KLF8: variants seen among roughly 807,000 people sequenced by gnomAD.
The protein encoded by KLF8 is Krueppel-like factor 8.
KLF8 carries 10 observed loss-of-function variants against 18.2 expected under a neutral mutation model. The observed-to-expected ratio is 0.55, with a 90% confidence interval of 0.34 to 0.93. The LOEUF (loss-of-function observed/expected upper bound fraction) is 0.93. Among genes scored for constraint, KLF8 ranks in the 40% least tolerant of loss-of-function variants. The probability of loss-of-function intolerance (pLI) is 0.02; values close to 1 mark genes in which losing one functional copy is unlikely to be tolerated. For synonymous variants in KLF8, 109 were observed against 97.3 expected, an observed-to-expected ratio of 1.12 and a Z score of -0.71; for missense variants, 264 against 277.9, an observed-to-expected ratio of 0.95 and a Z score of 0.36.
At chrX:56,029,119 G>C in the KLF8 span, among the ~76,000 whole-genome samples, 1 of 111,054 alleles carries the variant, frequency 9.0e-6, no homozygotes, top group African/African-American at 3.3e-5. Context: ...GAGTACAGGG[G>C]CTTGATTGAT....
chrX:55,986,164 CA>C, the KLF8 span, among the ~76,000 whole-genome samples: 1 of 111,211 alleles, frequency 9.0e-6, no homozygotes, highest in Middle Eastern at 4.2e-3. Flanking sequence ...CCAAAACTTC[CA>C]ATACTATGTT....
At chrX:56,197,314 T>C in the KLF8 span, among the ~76,000 whole-genome samples, 5 of 110,953 alleles carry the variant, frequency 4.5e-5, no homozygotes, top group African/African-American at 1.6e-4. Context: ...GCTGGTTTTT[T>C]GAAAAGATCA....
the KLF8 span, among the ~76,000 whole-genome samples, chrX:55,976,866 C>A: frequency 9.0e-6 from 1 of 111,463 alleles, no homozygotes; most frequent in African/African-American, 3.3e-5. Context: ...TAAGTTTATT[C>A]CTAAAGAATT....
chrX:56,159,394 G>A, the KLF8 span, among the ~76,000 whole-genome samples: 1 of 112,347 alleles, frequency 8.9e-6, no homozygotes, highest in South Asian at 3.7e-4. Context: ...GGATGATGCT[G>A]GCCTCATAAA....
chrX:56,045,553 G>T, the KLF8 span, among the ~76,000 whole-genome samples: 1 of 111,700 alleles, frequency 9.0e-6, no homozygotes, highest in Non-Finnish European at 1.9e-5. Context: ...TTTCATTTGT[G>T]TTATCTATGA....
At chrX:55,945,636 C>T in the KLF8 span, among the ~76,000 whole-genome samples, 1 of 111,021 alleles carries the variant, frequency 9.0e-6, no homozygotes, top group East Asian at 2.8e-4. Flanking sequence ...AAGTTCTGGC[C>T]AGGACAATTA....
At position 56,265,710 on chromosome X, in the gene KLF8, A is replaced by G. The variant is rs1470612885; in HGVS notation, c.612A>G (p.Pro204=). 10 of 1,203,363 alleles carry G rather than the reference A, an allele frequency of 8.3e-6. No individual in the cohort carries two copies. In the East Asian group the frequency reaches 2.7e-4, roughly 32 times the overall value. The change falls in exon 3 of 6, where the codon CCA becomes CCG. Residue 204 remains proline, a synonymous_variant. Coordinates refer to ENST00000468660, the MANE Select transcript of KLF8 (RefSeq NM_007250.5). ...ADGGPAAITV[P]LIGGDGKNAG... ...GGGGCCCTGCAGCCATTACAGTCCC[A>G]CTCATTGGAGGAGATGGTAAAAATG... is the stretch of plus-strand genomic sequence containing the variant.
At chrX:55,932,964 A>G in the KLF8 span, among the ~76,000 whole-genome samples, 2 of 111,895 alleles carry the variant, frequency 1.8e-5, no homozygotes, top group Admixed American at 1.9e-4. Context: ...GAATGCTCCC[A>G]TCTTTTATGT....
intron 1 of KLF8, among the ~76,000 whole-genome samples, chrX:56,245,056 C>T (rs746350153): frequency 2.9e-4 from 33 of 112,138 alleles, no homozygotes; most frequent in Non-Finnish European, 2.3e-4. Flanking sequence ...GATGTCAGGC[C>T]TCCAAATTTA....
the KLF8 span, among the ~76,000 whole-genome samples, chrX:56,009,398 GCAA>G: frequency 3.6e-5 from 4 of 110,690 alleles, no homozygotes; most frequent in Admixed American, 1.9e-4. Context: ...GAAACAGAAA[GCAA>G]CAACAACATC....
chrX:56,226,957 G>C, the KLF8 span, among the ~76,000 whole-genome samples: 1 of 112,653 alleles, frequency 8.9e-6, no homozygotes, highest in East Asian at 2.8e-4. Context: ...ACAAAGGACA[G>C]AGGAAATGAA....
chrX:56,193,506 G>T, the KLF8 span, among the ~76,000 whole-genome samples: 1 of 111,963 alleles, frequency 8.9e-6, no homozygotes, highest in Non-Finnish European at 1.9e-5. Flanking sequence ...ATATCTAAGA[G>T]ATATCTGCAC....
At chrX:56,080,946 C>T in the KLF8 span, among the ~76,000 whole-genome samples, 2 of 111,035 alleles carry the variant, frequency 1.8e-5, no homozygotes, top group Non-Finnish European at 3.8e-5. Flanking sequence ...TGCATCGGCT[C>T]CTGAGGCTTC....
chrX:56,270,363 C>CACACACAT, intron 5 of KLF8, 42 bp downstream of exon 5: 1 of 1,041,087 alleles, frequency 9.6e-7, no homozygotes, highest in Non-Finnish European at 1.3e-6. Context: ...CACACACACA[C>CACACACAT]ACACACACAC....
the KLF8 span, among the ~76,000 whole-genome samples, chrX:56,041,093 A>C: frequency 9.3e-6 from 1 of 107,192 alleles, no homozygotes; most frequent in African/African-American, 3.4e-5. Context: ...TATTTCTGTG[A>C]GGTCAGTGAT....
chrX:55,962,282 G>T, the KLF8 span: 1 of 180,665 alleles, frequency 5.5e-6, no homozygotes, highest in South Asian at 1.1e-4. Flanking sequence ...CCTAAAGAAG[G>T]AGGGTTCTAC....
the KLF8 span, among the ~76,000 whole-genome samples, chrX:55,931,586 G>C: frequency 9.0e-6 from 1 of 111,712 alleles, no homozygotes; most frequent in African/African-American, 3.3e-5. Context: ...GTTCGTATTA[G>C]TTTCAGAGAA....
At position 56,290,154 on chromosome X, in the gene KLF8, C is replaced by A. The variant is rs1168588647; in HGVS notation, c.*5660C>A. Among the ~76,000 whole-genome samples, 1 of 111,620 alleles carries A rather than the reference C, an allele frequency of 9.0e-6. No homozygotes were observed. Among genetic ancestry groups the A allele is most frequent in the East Asian group, 2.8e-4 (1 of 3,564 alleles). On this transcript the variant is annotated 3_prime_UTR_variant, in exon 6 of 6. Coordinates refer to ENST00000468660, the MANE Select transcript of KLF8 (RefSeq NM_007250.5). ...GAGTTACCTCTCTTCTGTATTTTCC[C>A]AGATCTCACTTGGTTGACCTTAGGC...
chrX:56,006,071 G>T, the KLF8 span, among the ~76,000 whole-genome samples: 1 of 112,343 alleles, frequency 8.9e-6, no homozygotes, highest in Admixed American at 9.4e-5. Flanking sequence ...AGGTTCAACA[G>T]TCCCCTTAAG....
Sources: allele counts gnomAD v4.1 joint callset (sites outside exome capture counted in the v4.1 genomes callset), GRCh38; gene constraint gnomAD v4.1.1; transcripts MANE v1.5; gene names NCBI Gene and HGNC (gene_info 2026-07-23, HGNC 2026-07-21).